CATSPERB: variants seen among roughly 807,000 people sequenced by gnomAD.
The protein encoded by CATSPERB is cation channel sperm-associated auxiliary subunit beta.
Under a neutral mutation model 128.3 loss-of-function variants are expected in CATSPERB, and 93 were observed. The ratio of observed to expected loss-of-function variants is 0.72; its 90% CI spans 0.61 to 0.86. The LOEUF (loss-of-function observed/expected upper bound fraction) is 0.86, where lower values mean the gene tolerates loss of function less well. Ranked by LOEUF, CATSPERB falls within the 40% of genes least tolerant of loss-of-function variation. The pLI is 0.00. For synonymous variants in CATSPERB, 381 were observed against 448.8 expected (o/e 0.85, Z 1.91); for missense variants, 1,153 against 1,329.5 (o/e 0.87, Z 2.06).
intron 2 of CATSPERB, among the ~76,000 whole-genome samples, chr14:91,725,907 C>T (rs1002618952): frequency 4.6e-5 from 7 of 152,182 alleles, no homozygotes; most frequent in Admixed American, 3.9e-4. Context: ...CCCCAGACCC[C>T]AGGCCTCAGA....
intron 2 of CATSPERB, among the ~76,000 whole-genome samples, chr14:91,726,728 T>A (rs980089061): frequency 6.6e-6 from 1 of 152,190 alleles, no homozygotes; most frequent in South Asian, 2.1e-4. Context: ...GAAGGGGCTA[T>A]GAAGGACTCA....
At position 91,589,522 on chromosome 14, in the gene CATSPERB, A is replaced by G. The variant is rs1216624641; in HGVS notation, c.2956+12T>C. The G allele has an allele frequency of 6.2e-7, 1 of 1,607,102 alleles. No individual in the cohort carries two copies. Among genetic ancestry groups the G allele is most frequent in the Admixed American group, 1.7e-5 (1 of 58,980 alleles). ...ATCAGATAAAATAATTACAGATGAAAGCAAACCCTACTCAGTTTCCAGTTG... is the reference window on the plus strand; with the variant it reads ...ATCAGATAAAATAATTACAGATGAAGGCAAACCCTACTCAGTTTCCAGTTG... On this transcript the variant is annotated intron_variant, in intron 24 of 26. Transcript: ENST00000256343.
chr14:91,711,209 C>T lies in CATSPERB; in HGVS notation c.371-2973G>A, dbSNP rs189747834. On this transcript the variant is annotated intron_variant, in intron 5 of 26. Transcript: ENST00000256343. ...AGTTATGGGTACTTTTGTGTTAGAGCTTACTCACTGATGCACTGGTTTTAT... is the reference window on the plus strand; with the variant it reads ...AGTTATGGGTACTTTTGTGTTAGAGTTTACTCACTGATGCACTGGTTTTAT... Among the ~76,000 whole-genome samples, 11 of 152,184 alleles carry T rather than the reference C, an allele frequency of 7.2e-5. No individual in the cohort carries two copies. In the East Asian group the frequency reaches 2.1e-3, roughly 29 times the overall value.
At chr14:91,664,165 T>C (rs912095548) in intron 14 of CATSPERB, among the ~76,000 whole-genome samples, 2 of 152,136 alleles carry the variant, frequency 1.3e-5, no homozygotes, top group African/African-American at 4.8e-5. Flanking sequence ...AGTTTTGCCT[T>C]TTCCAGAATG....
At chr14:91,722,795 C>T (rs1896055747) in intron 4 of CATSPERB, among the ~76,000 whole-genome samples, 1 of 152,058 alleles carries the variant, frequency 6.6e-6, no homozygotes, top group South Asian at 2.1e-4. Flanking sequence ...TGGCAACTTA[C>T]ATCTACAGGA....
Position 91,659,019 on chromosome 14 carries a change from G to A in CATSPERB, c.1432+818C>T, listed in dbSNP as rs377696521. Among the ~76,000 whole-genome samples, 51 of 152,032 alleles carry A rather than the reference G, an allele frequency of 3.4e-4. No individual in the cohort carries two copies. The South Asian group carries it at 1.0e-2, about 30-fold the overall frequency. ...GAAAGGAGTGGGCAACTATCATTAAGGTCAATCAATATTAACTGTTTTGAG... is the reference window on the plus strand; with the variant it reads ...GAAAGGAGTGGGCAACTATCATTAAAGTCAATCAATATTAACTGTTTTGAG... On this transcript the variant is annotated intron_variant, in intron 15 of 26. Coordinates refer to ENST00000256343, the MANE Select transcript of CATSPERB (RefSeq NM_024764.4).
chr14:91,687,108 C>A (rs556010824), intron 10 of CATSPERB, among the ~76,000 whole-genome samples: 1 of 151,586 alleles, frequency 6.6e-6, no homozygotes, highest in East Asian at 1.9e-4. Context: ...TTAGAAAATG[C>A]TGAAAAGATA....
intron 19 of CATSPERB, among the ~76,000 whole-genome samples, chr14:91,619,003 T>C (rs1893994276): frequency 6.6e-6 from 1 of 152,238 alleles, no homozygotes; most frequent in Admixed American, 6.5e-5. Flanking sequence ...GGCAACTTAG[T>C]TGATTTGTTG....
At chr14:91,604,978 A>C in intron 22 of CATSPERB, 5 of 1,178,204 alleles carry the variant, frequency 4.2e-6, no homozygotes, top group Non-Finnish European at 6.4e-6. Flanking sequence ...TCTGTCCCTG[A>C]AATCTATCAT....
At chr14:91,653,154 A>C (rs1025677634) in intron 15 of CATSPERB, among the ~76,000 whole-genome samples, 4 of 152,236 alleles carry the variant, frequency 2.6e-5, no homozygotes, top group Non-Finnish European at 4.4e-5. Context: ...TCAGAGACTG[A>C]AGATCAGAAG....
chr14:91,668,444 ACTCTGTAAAATGGACCAATCAGTG>A (rs1260858414), intron 14 of CATSPERB, among the ~76,000 whole-genome samples: 53 of 152,232 alleles, frequency 3.5e-4, no homozygotes, highest in African/African-American at 1.2e-3. Context: ...ACCAATCAGC[ACTCTGTAAAATGGACCAATCAGTG>A]CTCTGTAAAA....
chr14:91,683,399 A>C (rs1238038410), intron 11 of CATSPERB, among the ~76,000 whole-genome samples: 1 of 152,222 alleles, frequency 6.6e-6, no homozygotes. Context: ...GCTTAGGTTA[A>C]AAATGCATTT....
Position 91,729,458 on chromosome 14 carries a change from CA to C in CATSPERB, c.21del (p.Tyr7Ter), listed in dbSNP as rs1896176536. 2.6e-6 allele frequency: 4 copies of C among 1,532,570 alleles called. No individual in the cohort carries two copies. The highest frequency in any genetic ancestry group is 2.7e-6 in the Non-Finnish European group (3 of 1,116,330). The allele number at this position is 1,532,570 out of a possible 1,614,324, so 94.9% of individuals were successfully genotyped here. The stretch of plus-strand genomic sequence containing the variant: ...AATATGTTCAAAAGCAAAACTGAAA[CA>C]TATATAAGTGGCGATTCCATCTGTT... MESPLI[Y>X]VSVLLLNIFE... is the part of the protein sequence containing the mutation. On this transcript the variant is annotated frameshift_variant, in exon 2 of 27. Coordinates refer to ENST00000256343, the MANE Select transcript of CATSPERB (RefSeq NM_024764.4). LOFTEE classifies it high-confidence loss of function.
At position 91,587,477 on chromosome 14, in the gene CATSPERB, C is replaced by CTT. The variant is rs3029803; in HGVS notation, c.3058-203_3058-202dup. Among the ~76,000 whole-genome samples the CTT allele has an allele frequency of 8.0e-3, 809 of 101,488 alleles. 38 individuals are homozygous for CTT. Among genetic ancestry groups the CTT allele is most frequent in the African/African-American group, 0.019 (517 of 26,596 alleles). The allele number at this position is 101,488 out of a possible 152,430, so 66.6% of individuals were successfully genotyped here. A position where few individuals can be genotyped will look rare whatever the true frequency, so the allele number is the denominator to read the frequency against. On this transcript the variant is annotated intron_variant, in intron 25 of 26. Coordinates refer to ENST00000256343, the MANE Select transcript of CATSPERB (RefSeq NM_024764.4). Reference sequence around the variant, plus strand: ...AAGTGGAGGGATTCAATAGCTGATACTTTTTTTTTTTTTTTTTTTTTTTTT... The same window carrying CTT: ...AAGTGGAGGGATTCAATAGCTGATACTTTTTTTTTTTTTTTTTTTTTTTTTTT...
Position 91,587,252 on chromosome 14 carries a change from C to A in CATSPERB, c.3082G>T (p.Val1028Leu). The change falls in exon 26 of 27, where the codon GTG becomes TTG. Residue 1028 changes from valine to leucine, a missense_variant. Coordinates refer to ENST00000256343, the MANE Select transcript of CATSPERB (RefSeq NM_024764.4). ...AAAGTTACTCCTGAAATGACGGTCA[C>A]TCTAAAGTGGAAAAGTTCAGAGCCC... ...IKGSELFHFRVTVISGVTFCN... is the reference protein window; with the variant it reads ...IKGSELFHFRLTVISGVTFCN... 1 of 1,606,346 alleles carries A rather than the reference C, an allele frequency of 6.2e-7. No homozygotes were observed. The highest frequency in any genetic ancestry group is 1.3e-5 in the African/African-American group (1 of 74,402).
chr14:91,657,745 C>G (rs548729352), intron 15 of CATSPERB, among the ~76,000 whole-genome samples: 1 of 152,076 alleles, frequency 6.6e-6, no homozygotes, highest in African/African-American at 2.4e-5. Context: ...GACATACAAA[C>G]GGCAGACAGG....
chr14:91,591,797 C>G, intron 23 of CATSPERB, 95 bp downstream of exon 23: 1 of 815,960 alleles, frequency 1.2e-6, no homozygotes, highest in South Asian at 1.4e-5. Context: ...GACATTATTT[C>G]TATGTCTTAG....
intron 22 of CATSPERB, among the ~76,000 whole-genome samples, chr14:91,596,601 A>G (rs1012664584): frequency 2.0e-5 from 3 of 152,188 alleles, no homozygotes; most frequent in African/African-American, 7.2e-5. Context: ...TAAAAGACAC[A>G]ATTGACAAGG....
chr14:91,610,424 A>C, intron 21 of CATSPERB, 56 bp downstream of exon 21: 2 of 1,457,878 alleles, frequency 1.4e-6, no homozygotes, highest in Admixed American at 1.9e-5. Context: ...AGGCAATCAC[A>C]CAAAAGTCAC....
Sources: gnomAD v4.1 joint callset for allele counts (sites outside exome capture counted in the v4.1 genomes callset) on GRCh38, gnomAD v4.1.1 for gene constraint, MANE v1.5 for transcripts, NCBI Gene and HGNC (gene_info 2026-07-23, HGNC 2026-07-21) for gene names.